ZFP1: variants seen among roughly 807,000 people sequenced by gnomAD.
The protein encoded by ZFP1 is ZFP1 zinc finger protein.
ZFP1 carries 32 observed loss-of-function variants against 38.5 expected under a neutral mutation model. The ratio of observed to expected loss-of-function variants is 0.83; its 90% confidence interval spans 0.63 to 1.12. The LOEUF is 1.12. Among genes scored for constraint, ZFP1 ranks in the 50% most tolerant of loss-of-function variants. The probability of loss-of-function intolerance (pLI) is 0.00; values close to 1 mark genes in which losing one functional copy is unlikely to be tolerated. For missense variants in ZFP1, 616 were observed against 480.8 expected (o/e 1.28, Z -2.63); for synonymous variants, 245 against 168.8 (o/e 1.45, Z -3.50).
the ZFP1 span, among the ~76,000 whole-genome samples, chr16:75,120,050 G>C: frequency 6.6e-6 from 1 of 152,304 alleles, no homozygotes; most frequent in South Asian, 2.1e-4. Context: ...CTGAAATATG[G>C]TAATGAGATT....
chr16:75,149,330 A>G (rs2145487802), intron 1 of ZFP1: 1 of 152,206 alleles, frequency 6.6e-6, no homozygotes, highest in African/African-American at 2.4e-5. Flanking sequence ...TTTGCCATGT[A>G]TACGTTTTGA....
At chr16:75,153,712 C>G (rs7189156) in intron 2 of ZFP1, among the ~76,000 whole-genome samples, 78,014 of 151,888 alleles carry the variant, frequency 0.51, 21,007 homozygotes, top group East Asian at 0.71. Flanking sequence ...CTTTAAAGAC[C>G]ATAGTTTACA....
At chr16:75,135,209 C>CAAAAAAAAAAAA in the ZFP1 span, among the ~76,000 whole-genome samples, 1,651 of 14,936 alleles carry the variant, frequency 0.11, 666 homozygotes, top group Middle Eastern at 0.2. Context: ...GACCTTATCT[C>CAAAAAAAAAAAA]AAAAAAAAAA....
chr16:75,124,393 C>G, the ZFP1 span, among the ~76,000 whole-genome samples: 3 of 150,994 alleles, frequency 2.0e-5, no homozygotes, highest in East Asian at 4.2e-4. Flanking sequence ...CTCCTGACCT[C>G]AGGTGATCTG....
the ZFP1 span, among the ~76,000 whole-genome samples, chr16:75,139,858 G>T: frequency 2.0e-5 from 3 of 152,208 alleles, no homozygotes; most frequent in South Asian, 4.1e-4. Context: ...GAGTTCCAGC[G>T]ATGGATAGTG....
In ZFP1 at chr16:75,170,517, T is replaced by C. The variant is rs536477968; in HGVS notation, c.*183T>C. On this transcript the variant is annotated 3_prime_UTR_variant, in exon 4 of 4. Coordinates refer to ENST00000570010, the MANE Select transcript of ZFP1 (RefSeq NM_153688.4). ...CTGGAAGTTACATGTGATACCCAGC[T>C]AAAGAATACATATCAGAATATATCC... The C allele has an allele frequency of 2.4e-6, 2 of 848,770 alleles. No individual in the cohort carries two copies. The highest frequency in any genetic ancestry group is 3.4e-5 in the African/African-American group (2 of 59,258). 52.6% of individuals were successfully genotyped at this position (848,770 alleles called of 1,614,324 possible). A position where few individuals can be genotyped will look rare whatever the true frequency, so the allele number is the denominator to read the frequency against.
At chr16:75,122,607 T>G in the ZFP1 span, among the ~76,000 whole-genome samples, 18 of 152,248 alleles carry the variant, frequency 1.2e-4, no homozygotes, top group Non-Finnish European at 2.2e-4. Flanking sequence ...TAACAAATCT[T>G]TAATAAATAA....
chr16:75,139,754 A>T, the ZFP1 span, among the ~76,000 whole-genome samples: 691 of 152,168 alleles, frequency 4.5e-3, 7 homozygotes, highest in African/African-American at 0.016. Flanking sequence ...AATTCATAGA[A>T]CCAGGAAGAA....
chr16:75,142,171 C>T, the ZFP1 span, among the ~76,000 whole-genome samples: 1 of 146,016 alleles, frequency 6.8e-6, no homozygotes, highest in Non-Finnish European at 1.5e-5. Context: ...TCCTGGCCAA[C>T]ATGGTGAAAC....
At chr16:75,164,566 T>C (rs1052877280) in intron 2 of ZFP1, among the ~76,000 whole-genome samples, 6 of 152,208 alleles carry the variant, frequency 3.9e-5, no homozygotes, top group Non-Finnish European at 7.3e-5. Context: ...TTTTGGTACA[T>C]CTTTGAATAG....
chr16:75,161,292 C>A (rs1001674118), intron 2 of ZFP1, among the ~76,000 whole-genome samples: 1 of 152,144 alleles, frequency 6.6e-6, no homozygotes, highest in East Asian at 2.0e-4. Context: ...TGGTCTCGAA[C>A]TCCTGGCTAC....
At chr16:75,156,240 G>A (rs1008314716) in intron 2 of ZFP1, among the ~76,000 whole-genome samples, 5 of 152,140 alleles carry the variant, frequency 3.3e-5, no homozygotes, top group African/African-American at 1.2e-4. Flanking sequence ...GATCACTTGA[G>A]GTCAGGAGAT....
the ZFP1 span, among the ~76,000 whole-genome samples, chr16:75,129,115 T>C: frequency 1.3e-5 from 2 of 152,222 alleles, no homozygotes; most frequent in Admixed American, 6.5e-5. Flanking sequence ...TGTCTACTGA[T>C]GTATGGACTT....
chr16:75,167,176 T>C (rs2038136314), intron 3 of ZFP1, among the ~76,000 whole-genome samples: 2 of 152,144 alleles, frequency 1.3e-5, no homozygotes, highest in Admixed American at 6.5e-5. Flanking sequence ...TAGCATAGAG[T>C]TGTCAATTCA....
chr16:75,168,621 T>C (rs961613901), intron 3 of ZFP1, among the ~76,000 whole-genome samples: 2 of 151,956 alleles, frequency 1.3e-5, no homozygotes, highest in Non-Finnish European at 2.9e-5. Context: ...AGCGAATGAG[T>C]TTCTGGATTT....
chr16:75,152,375 C>T (rs1374259455), intron 1 of ZFP1, among the ~76,000 whole-genome samples: 1 of 152,112 alleles, frequency 6.6e-6, no homozygotes, highest in African/African-American at 2.4e-5. Context: ...ATGCTCTATC[C>T]TTTTATGTTT....
the ZFP1 span, chr16:75,127,691 T>A: frequency 6.6e-6 from 1 of 152,222 alleles, no homozygotes; most frequent in East Asian, 1.9e-4. Context: ...GGAAAAACTT[T>A]CAGGATTCAG....
the ZFP1 span, chr16:75,126,127 T>G: frequency 6.6e-6 from 1 of 152,052 alleles, no homozygotes; most frequent in Admixed American, 6.6e-5. Flanking sequence ...TTAAATGAAT[T>G]CTTCTTTTAA....
intron 1 of ZFP1, chr16:75,148,869 G>C (rs2145485515): frequency 1.3e-5 from 2 of 152,386 alleles, no homozygotes; most frequent in East Asian, 3.9e-4. Flanking sequence ...GGGAAGGGCG[G>C]CTATGAGGCT....
Sources: allele counts gnomAD v4.1 joint callset (sites outside exome capture counted in the v4.1 genomes callset), GRCh38; gene constraint gnomAD v4.1.1; transcripts MANE v1.5; gene names NCBI Gene and HGNC (gene_info 2026-07-23, HGNC 2026-07-21).